Variants in AVEN observed in about 807,000 individuals in gnomAD.
The protein encoded by AVEN is cell death regulator Aven.
In AVEN, 41 loss-of-function variants were observed where a neutral mutation model predicts 38.1. The ratio of observed to expected loss-of-function variants is 1.08; its 90% CI spans 0.84 to 1.40. AVEN has a LOEUF of 1.40. AVEN is among the 40% of genes most tolerant of loss of function. The pLI is 0.00. For synonymous variants in AVEN, 206 were observed against 171.8 expected, an observed-to-expected ratio of 1.20 and a Z score of -1.56; for missense variants, 605 against 438.8, an observed-to-expected ratio of 1.38 and a Z score of -3.38.
intron 2 of AVEN, among the ~76,000 whole-genome samples, chr15:33,897,096 T>C (rs1430916537): frequency 6.6e-6 from 1 of 152,104 alleles, no homozygotes; most frequent in African/African-American, 2.4e-5. Context: ...TTCCATTACA[T>C]AACATTCTAA....
chr15:33,897,362 A>T (rs1362994027), intron 2 of AVEN, among the ~76,000 whole-genome samples: 3 of 152,054 alleles, frequency 2.0e-5, no homozygotes, highest in Non-Finnish European at 4.4e-5. Flanking sequence ...CAGTGGCATG[A>T]TCTTGGCTCA....
At chr15:33,874,506 T>C (rs1368298124) in intron 3 of AVEN, among the ~76,000 whole-genome samples, 1 of 152,204 alleles carries the variant, frequency 6.6e-6, no homozygotes, top group Non-Finnish European at 1.5e-5. Context: ...AATGATCTTT[T>C]CCCCATGGTA....
intron 2 of AVEN, among the ~76,000 whole-genome samples, chr15:33,884,258 G>C (rs1055731419): frequency 2.6e-5 from 4 of 152,072 alleles, no homozygotes; most frequent in Non-Finnish European, 5.9e-5. Context: ...CAAATGCTCA[G>C]GAAATATTTT....
intron 5 of AVEN, among the ~76,000 whole-genome samples, chr15:34,051,437 G>C (rs968273353): frequency 1.3e-5 from 2 of 152,076 alleles, no homozygotes; most frequent in African/African-American, 4.8e-5. Context: ...AAGAACTAGA[G>C]AATCAAGAGC....
Position 34,063,128 on chromosome 15 carries a change from A to T in AVEN, n.1431T>A, listed in dbSNP as rs1314372220. ...ACTTTTCCATCACAAGACCCTTGAC[A>T]TATCGGGCCAAGCGTACTCCGAAAA... On this transcript the variant is annotated non_coding_transcript_exon_variant, in exon 5 of 12. Coordinates refer to the AVEN transcript ENST00000675287. The surrounding 1 kb of genome is among the most constrained non-coding windows in gnomAD (Gnocchi z 4.1). 6.2e-7 allele frequency: 1 copy of T among 1,614,124 alleles called. No homozygotes were observed. Among genetic ancestry groups the T allele is most frequent in the South Asian group, 1.1e-5 (1 of 91,080 alleles).
upstream of AVEN, among the ~76,000 whole-genome samples, chr15:34,043,609 G>A (rs1031242603): frequency 6.6e-6 from 1 of 152,136 alleles, no homozygotes; most frequent in African/African-American, 2.4e-5. Flanking sequence ...GTACTCTGGT[G>A]GAGAAAAGGG....
At chr15:33,968,099 T>TAAA (rs71119906) in intron 2 of AVEN, among the ~76,000 whole-genome samples, 10 of 25,850 alleles carry the variant, frequency 3.9e-4, no homozygotes, top group African/African-American at 1.1e-3. Context: ...TAGCAAAGCT[T>TAAA]AAAAAAAAAA....
rs1233205595 is a variant in AVEN at position 34,063,771 on chromosome 15, G to GA, written n.1127-340dup. On this transcript the variant is annotated intron_variant and non_coding_transcript_variant, in intron 4 of 11. Coordinates refer to the AVEN transcript ENST00000675287. The surrounding 1 kb of genome is among the most constrained non-coding windows in gnomAD (Gnocchi z 4.1). ...GGAAACTTTTGTGAAAGCTGAAACTGAAAAAAGTGACTATGACACCCCAAA... is the reference window on the plus strand; with the variant it reads ...GGAAACTTTTGTGAAAGCTGAAACTGAAAAAAAGTGACTATGACACCCCAAA... 1 of 1,614,142 alleles carries GA rather than the reference G, an allele frequency of 6.2e-7. No homozygotes were observed. The highest frequency in any genetic ancestry group is 8.5e-7 in the Non-Finnish European group (1 of 1,180,030).
intron 3 of AVEN, among the ~76,000 whole-genome samples, chr15:33,875,140 T>TA (rs1052052192): frequency 2.6e-5 from 4 of 152,074 alleles, no homozygotes; most frequent in African/African-American, 9.7e-5. Context: ...CCACAGCACA[T>TA]ACGCTGATGT....
Position 33,867,805 on chromosome 15 carries a change from A to C in AVEN, c.663T>G (p.Asp221Glu). Residue 221 changes from aspartate to glutamate, a missense_variant, in exon 5 of 6, where the codon GAT (aspartate) becomes GAG (glutamate). Physicochemically the swap from Asp to Glu is conservative, Grantham distance 45. Coordinates refer to ENST00000306730, the MANE Select transcript of AVEN (RefSeq NM_020371.3). ...VPQVKPKRTD[D>E]GKGLGMQLKG... ...TTAACTGCATCCCTAATCCCTTGCCATCATCAGTTCTCTTTGGTTTCACCT... is the reference window on the plus strand; with the variant it reads ...TTAACTGCATCCCTAATCCCTTGCCCTCATCAGTTCTCTTTGGTTTCACCT... The C allele has an allele frequency of 1.2e-6, 2 of 1,611,536 alleles. No individual in the cohort carries two copies. The highest frequency in any genetic ancestry group is 1.7e-6 in the Non-Finnish European group (2 of 1,179,168).
chr15:33,960,747 A>T (rs1567434580), intron 2 of AVEN, among the ~76,000 whole-genome samples: 1 of 152,126 alleles, frequency 6.6e-6, no homozygotes, highest in African/African-American at 2.4e-5. Context: ...TAGCGACTTG[A>T]GTATAACATA....
At chr15:33,855,830 T>A (rs2079600635), downstream of AVEN, 1 of 152,214 alleles carries the variant, frequency 6.6e-6, no homozygotes, top group Admixed American at 6.5e-5. Context: ...AGACTGGATA[T>A]AGCAACGGCT....
chr15:34,064,245 C>T lies in AVEN; in HGVS notation n.1127-813G>A, dbSNP rs755558707. 7.4e-6 allele frequency: 12 copies of T among 1,614,140 alleles called. No individual in the cohort carries two copies. The Admixed American group carries it at 8.3e-5, about 11-fold the overall frequency. ...CTTCAGGAAGACCTTTAAGATGCTG[C>T]TTCTCTGCCGATGGAAAAAGAAAAA... On this transcript the variant is annotated intron_variant and non_coding_transcript_variant, in intron 4 of 11. Coordinates refer to the AVEN transcript ENST00000675287.
At chr15:34,007,281 T>C (rs1346718633) in intron 1 of AVEN, among the ~76,000 whole-genome samples, 1 of 152,110 alleles carries the variant, frequency 6.6e-6, no homozygotes, top group Non-Finnish European at 1.5e-5. Flanking sequence ...CTCTGCAGAA[T>C]GAAAATGAAA....
intron 1 of AVEN, among the ~76,000 whole-genome samples, chr15:34,031,133 C>T (rs1340049672): frequency 2.0e-5 from 3 of 147,374 alleles, no homozygotes; most frequent in Non-Finnish European, 4.5e-5. Context: ...TTTTTTGTAA[C>T]AGCCTATTAT....
chr15:33,867,363 A>C, intron 5 of AVEN, 132 bp downstream of exon 5: 2 of 1,291,100 alleles, frequency 1.5e-6, no homozygotes, highest in Non-Finnish European at 2.1e-6. Flanking sequence ...TGAGCACAGA[A>C]ATAGATGTCA....
At chr15:33,953,530 C>T (rs919071047) in intron 2 of AVEN, among the ~76,000 whole-genome samples, 1 of 152,158 alleles carries the variant, frequency 6.6e-6, no homozygotes, top group African/African-American at 2.4e-5. Context: ...CAAAAACAAG[C>T]AATGGGGAAA....
intron 2 of AVEN, chr15:33,968,907 C>T (rs981794795): frequency 6.6e-6 from 1 of 151,994 alleles, no homozygotes; most frequent in East Asian, 1.9e-4. Flanking sequence ...ACTGCTGTTA[C>T]CAGATAAAGG....
intron 5 of AVEN, among the ~76,000 whole-genome samples, chr15:34,053,050 A>C (rs917526510): frequency 1.6e-4 from 25 of 152,032 alleles, no homozygotes; most frequent in Admixed American, 1.6e-3. Context: ...CTGTAATCCC[A>C]GCACTTTGGG....
Sources: allele counts gnomAD v4.1 joint callset (sites outside exome capture counted in the v4.1 genomes callset), GRCh38; gene constraint gnomAD v4.1.1; non-coding constraint Gnocchi (gnomAD v3.1); transcripts MANE v1.5; gene names NCBI Gene and HGNC (gene_info 2026-07-23, HGNC 2026-07-21).